Variants in MYO5B observed in about 807,000 individuals in gnomAD.
MYO5B encodes the protein unconventional myosin-Vb.
MYO5B carries 143 observed loss-of-function variants against 229.3 expected under a neutral mutation model. That is an observed-to-expected ratio of 0.62 (90% CI 0.54 to 0.72). The LOEUF is 0.72. MYO5B is among the 30% of genes least tolerant of loss of function. MYO5B has a pLI of 0.00. For synonymous variants in MYO5B, 918 were observed against 885.2 expected (o/e 1.04, Z -0.66); for missense variants, 2,321 against 2,331.0 (o/e 1.00, Z 0.09).
intron 17 of MYO5B, among the ~76,000 whole-genome samples, chr18:49,912,521 G>T (rs751314372): frequency 7.2e-5 from 11 of 152,180 alleles, no homozygotes; most frequent in Non-Finnish European, 1.3e-4. Context: ...TGTCGAGGGA[G>T]GTACCCAGTG....
At chr18:49,866,026 G>A (rs2144083520) in intron 27 of MYO5B, among the ~76,000 whole-genome samples, 1 of 152,196 alleles carries the variant, frequency 6.6e-6, no homozygotes, top group Non-Finnish European at 1.5e-5. Context: ...GAATATGCAT[G>A]CTTTATTGTG....
chr18:49,826,460 A>C lies in MYO5B; in HGVS notation c.*11T>G. 6.2e-7 allele frequency: 1 copy of C among 1,613,284 alleles called. No homozygotes were observed. Among genetic ancestry groups the C allele is most frequent in the Non-Finnish European group, 8.5e-7 (1 of 1,179,634 alleles). On this transcript the variant is annotated 3_prime_UTR_variant, in exon 40 of 40. Coordinates refer to ENST00000285039, the MANE Select transcript of MYO5B (RefSeq NM_001080467.3). ...CATTGGGAATCAAACTAATGCTGGA[A>C]ACATGCATCTTCAGACTTCATTGAG...
intron 1 of MYO5B, among the ~76,000 whole-genome samples, chr18:50,191,246 T>C (rs942985197): frequency 6.6e-6 from 1 of 152,196 alleles, no homozygotes; most frequent in Non-Finnish European, 1.5e-5. Flanking sequence ...GATACTGTCT[T>C]GGGTCCCAGA....
chr18:49,932,242 C>G (rs1035159925), intron 16 of MYO5B, among the ~76,000 whole-genome samples: 2 of 152,200 alleles, frequency 1.3e-5, no homozygotes, highest in Non-Finnish European at 2.9e-5. Flanking sequence ...TGTTGAAGGG[C>G]CAGGCAATGG....
At chr18:50,024,109 T>C (rs2026306081) in intron 4 of MYO5B, among the ~76,000 whole-genome samples, 2 of 152,158 alleles carry the variant, frequency 1.3e-5, no homozygotes, top group Non-Finnish European at 1.5e-5. Flanking sequence ...CAGGTAATTA[T>C]GATGGATTAA....
intron 1 of MYO5B, among the ~76,000 whole-genome samples, chr18:50,115,824 G>T (rs113766736): frequency 1.3e-5 from 2 of 151,846 alleles, no homozygotes; most frequent in South Asian, 2.1e-4. Flanking sequence ...TATGTGGGAG[G>T]GGGGAGGGTA....
intron 1 of MYO5B, among the ~76,000 whole-genome samples, chr18:50,062,790 T>C (rs2030720765): frequency 6.6e-6 from 1 of 152,150 alleles, no homozygotes; most frequent in African/African-American, 2.4e-5. Flanking sequence ...GTTGGTCATC[T>C]TCCCTTCACA....
At position 50,195,076 on chromosome 18, in the gene MYO5B, G is replaced by A; in HGVS notation, c.-283C>T. 3.3e-6 allele frequency: 1 copy of A among 304,084 alleles called. No homozygotes were observed. The highest frequency in any genetic ancestry group is 6.0e-6 in the Non-Finnish European group (1 of 167,082). 18.8% of individuals were successfully genotyped at this position (304,084 alleles called of 1,614,324 possible). ...ACCACTCCCCTCCCAGGTGTGGGGAGGAGGCGAGGGCCGGCGAGGAGGGAG... is the reference window on the plus strand; with the variant it reads ...ACCACTCCCCTCCCAGGTGTGGGGAAGAGGCGAGGGCCGGCGAGGAGGGAG... On this transcript the variant is annotated 5_prime_UTR_variant, in exon 1 of 40. Coordinates refer to ENST00000285039, the MANE Select transcript of MYO5B (RefSeq NM_001080467.3).
intron 21 of MYO5B, among the ~76,000 whole-genome samples, chr18:49,896,406 G>A (rs1451842485): frequency 4.6e-5 from 7 of 152,174 alleles, no homozygotes; most frequent in Admixed American, 2.6e-4. Context: ...TTTGAACACC[G>A]AATGCACGTC....
intron 4 of MYO5B, among the ~76,000 whole-genome samples, chr18:50,005,068 C>G (rs532147300): frequency 6.6e-6 from 1 of 152,262 alleles, no homozygotes; most frequent in East Asian, 1.9e-4. Context: ...ATTAAGATAC[C>G]TAGGTCTCTA....
intron 23 of MYO5B, 72 bp downstream of exon 23, chr18:49,880,299 G>C (rs183916061): frequency 3.9e-6 from 5 of 1,268,732 alleles, no homozygotes; most frequent in Non-Finnish European, 3.5e-6. Context: ...TGCTTGCTAG[G>C]AGTCTTTGGG....
intron 1 of MYO5B, among the ~76,000 whole-genome samples, chr18:50,193,294 G>A (rs2033253107): frequency 6.6e-6 from 1 of 152,208 alleles, no homozygotes; most frequent in African/African-American, 2.4e-5. Flanking sequence ...CTCCCCCAGA[G>A]GCCGTCGCCC....
chr18:49,921,565 G>A (rs1246089867), intron 17 of MYO5B, among the ~76,000 whole-genome samples: 3 of 152,192 alleles, frequency 2.0e-5, no homozygotes, highest in Non-Finnish European at 4.4e-5. Flanking sequence ...CAGACTCACA[G>A]AGAGCCATAA....
At chr18:49,840,993 AC>A (rs1300512793) in intron 35 of MYO5B, among the ~76,000 whole-genome samples, 2 of 152,230 alleles carry the variant, frequency 1.3e-5, no homozygotes, top group Admixed American at 1.3e-4. Context: ...AGGGTGACCC[AC>A]TAGGCAACTG....
chr18:49,904,793 A>G lies in MYO5B; in HGVS notation c.2450T>C (p.Val817Ala). The change falls in exon 20 of 40, where the codon GTG becomes GCG. Residue 817 changes from valine to alanine, a missense_variant. By Grantham distance (64) the Val-to-Ala change is moderately conservative. Around this residue, in one of 2 missense-constraint regions of MYO5B, gnomAD observed 2,113 missense variants for 2,044.7 expected, o/e 1.03. Coordinates refer to ENST00000285039, the MANE Select transcript of MYO5B (RefSeq NM_001080467.3). The part of the protein sequence containing the change: ...AEHLRRIRAA[V>A]VLQKHYRMQR... ...CATGCGGTAATGTTTCTGGAGCACC[A>G]CAGCCGCTCTGATCCTCCGCAGGTG... is the stretch of plus-strand genomic sequence containing the variant. The G allele has an allele frequency of 6.2e-7, 1 of 1,612,710 alleles. No individual in the cohort carries two copies. The highest frequency in any genetic ancestry group is 1.3e-5 in the African/African-American group (1 of 75,030).
chr18:50,040,898 T>C (rs915343621), intron 2 of MYO5B, among the ~76,000 whole-genome samples: 2 of 152,142 alleles, frequency 1.3e-5, no homozygotes, highest in Non-Finnish European at 2.9e-5. Flanking sequence ...CATTTTAAGG[T>C]CAAATCTCAG....
At chr18:50,000,975 G>A (rs564217501) in intron 5 of MYO5B, among the ~76,000 whole-genome samples, 1 of 152,340 alleles carries the variant, frequency 6.6e-6, no homozygotes, top group Non-Finnish European at 1.5e-5. Flanking sequence ...AGCAACAGAG[G>A]TGGAGGAGGT....
At chr18:50,072,413 A>G (rs1428848372) in intron 1 of MYO5B, among the ~76,000 whole-genome samples, 1 of 152,170 alleles carries the variant, frequency 6.6e-6, no homozygotes, top group African/African-American at 2.4e-5. Context: ...AGGGAAGGGC[A>G]TCACATTCAG....
chr18:50,035,720 TAGAGA>T (rs1265203156), intron 4 of MYO5B, among the ~76,000 whole-genome samples: 1 of 152,218 alleles, frequency 6.6e-6, no homozygotes, highest in Non-Finnish European at 1.5e-5. Context: ...CTTTTGGCAT[TAGAGA>T]AAAGTGAAAG....
Sources: gnomAD v4.1 joint callset for allele counts (sites outside exome capture counted in the v4.1 genomes callset) on GRCh38, gnomAD v4.1.1 for gene constraint, gnomAD v4.1.1 regional missense constraint, MANE v1.5 for transcripts, NCBI Gene and HGNC (gene_info 2026-07-23, HGNC 2026-07-21) for gene names.